SLC6A11: variants seen among roughly 807,000 people sequenced by gnomAD.
The protein encoded by SLC6A11 is solute carrier family 6 member 11.
SLC6A11 carries 25 observed loss-of-function variants against 74.8 expected under a neutral mutation model. The observed-to-expected ratio is 0.33, with a 90% CI of 0.24 to 0.47. SLC6A11 has a LOEUF of 0.47. Ranked by LOEUF, SLC6A11 falls within the 20% of genes least tolerant of loss-of-function variation. The probability of loss-of-function intolerance (pLI) is 1.00; values close to 1 mark genes in which losing one functional copy is unlikely to be tolerated. For missense variants in SLC6A11, 574 were observed against 837.0 expected (o/e 0.69, Z 3.88); for synonymous variants, 330 against 330.2 (o/e 1.00, Z 0.01).
At chr3:10,930,901 G>T (rs746657) in intron 10 of SLC6A11, among the ~76,000 whole-genome samples, 126,214 of 151,954 alleles carry the variant, frequency 0.83, 52,547 homozygotes, top group Admixed American at 0.86. Context: ...AGCAGGCGCT[G>T]GGGCTTCACA....
At chr3:10,828,147 C>T (rs1694241003) in intron 4 of SLC6A11, among the ~76,000 whole-genome samples, 1 of 152,208 alleles carries the variant, frequency 6.6e-6, no homozygotes, top group Non-Finnish European at 1.5e-5. Context: ...ATTGTGGCAT[C>T]AGATGGACAT....
chr3:10,834,567 TG>T (rs141635089), intron 4 of SLC6A11, among the ~76,000 whole-genome samples: 5,178 of 152,200 alleles, frequency 0.034, 116 homozygotes, highest in Middle Eastern at 0.068. Flanking sequence ...TCGACCAGGT[TG>T]TTTTTAATAA....
Position 10,934,072 on chromosome 3 carries a change from A to G in SLC6A11, c.1481A>G (p.Asn494Ser), listed in dbSNP as rs752271294. The G allele has an allele frequency of 6.2e-7, 1 of 1,611,138 alleles. No homozygotes were observed. Among genetic ancestry groups the G allele is most frequent in the Non-Finnish European group, 8.5e-7 (1 of 1,177,346 alleles). The change falls in exon 12 of 14, where the codon AAC becomes AGC. Residue 494 changes from asparagine (N) to serine (S), a missense_variant. Physicochemically the swap from Asn to Ser is conservative, Grantham distance 46. This residue lies in a region of SLC6A11 where 257 missense variants were observed against 341.5 expected (regional missense o/e 0.75). Transcript: ENST00000254488. Reference protein sequence around the residue: ...CICIGWVYGSNRFYDNIEDMI... With the variant: ...CICIGWVYGSSRFYDNIEDMI... Reference sequence around the variant, plus strand: ...TCTGATTTATTCCGGACAGGAAGCAACCGGTTCTATGATAACATTGAAGAC... The same window carrying G: ...TCTGATTTATTCCGGACAGGAAGCAGCCGGTTCTATGATAACATTGAAGAC...
chr3:10,911,922 G>A (rs545749952), intron 6 of SLC6A11, among the ~76,000 whole-genome samples, 168 bp from the exon 7 acceptor site: 2 of 152,312 alleles, frequency 1.3e-5, no homozygotes, highest in South Asian at 4.1e-4. Context: ...TGGTCCCCAA[G>A]AATAGAACTC....
intron 5 of SLC6A11, among the ~76,000 whole-genome samples, chr3:10,860,643 A>T (rs1694692149): frequency 6.6e-6 from 1 of 152,246 alleles, no homozygotes; most frequent in Non-Finnish European, 1.5e-5. Context: ...AACTGGCCAT[A>T]CTGGGTAACA....
At chr3:10,914,866 C>A (rs188691257) in intron 7 of SLC6A11, among the ~76,000 whole-genome samples, 41 of 152,286 alleles carry the variant, frequency 2.7e-4, no homozygotes, top group African/African-American at 9.6e-4. Context: ...GGCTTACGGT[C>A]AGCATGGGGA....
chr3:10,933,269 G>A lies in SLC6A11; in HGVS notation c.1474+16G>A, dbSNP rs770888571. The A allele has an allele frequency of 4.4e-6, 7 of 1,577,880 alleles. No homozygotes were observed. The Admixed American group carries it at 1.2e-4, about 26-fold the overall frequency. On this transcript the variant is annotated intron_variant, in intron 11 of 13. Coordinates refer to ENST00000254488, the MANE Select transcript of SLC6A11 (RefSeq NM_014229.3). ...TGGGTGTATGGTGAGTAGCAGCCAA[G>A]CCCGTCCACACCCCAGCTGCCCACC...
chr3:10,835,382 G>C lies in SLC6A11; in HGVS notation c.624-8832G>C, dbSNP rs542289596. ...ACGTTCTGCGAGAGAGAATGGCTGC[G>C]TTATGAACCCGTGATGGATTCTTCA... On this transcript the variant is annotated intron_variant, in intron 4 of 13. Coordinates refer to ENST00000254488, the MANE Select transcript of SLC6A11 (RefSeq NM_014229.3). 1.4e-4 allele frequency among the ~76,000 whole-genome samples: 21 copies of C among 152,294 alleles called. 1 individual carries two copies. In the East Asian group the frequency reaches 3.5e-3, roughly 25 times the overall value.
At chr3:10,845,057 A>T (rs1694486445) in intron 5 of SLC6A11, among the ~76,000 whole-genome samples, 1 of 152,180 alleles carries the variant, frequency 6.6e-6, no homozygotes, top group Non-Finnish European at 1.5e-5. Context: ...ATCAGTACAG[A>T]GGTTAGAAAC....
intron 5 of SLC6A11, among the ~76,000 whole-genome samples, chr3:10,856,529 T>C (rs1055995951): frequency 2.6e-5 from 4 of 152,092 alleles, no homozygotes; most frequent in African/African-American, 9.7e-5. Context: ...CCCAGAGAGG[T>C]AAGTGATGTG....
intron 8 of SLC6A11, among the ~76,000 whole-genome samples, chr3:10,925,263 T>G (rs1695588157): frequency 6.6e-6 from 1 of 152,264 alleles, no homozygotes; most frequent in South Asian, 2.1e-4. Flanking sequence ...TTTACCTGCT[T>G]CAGTGCTTTC....
intron 6 of SLC6A11, among the ~76,000 whole-genome samples, chr3:10,885,869 G>A (rs1322838959): frequency 2.6e-5 from 4 of 152,084 alleles, no homozygotes; most frequent in African/African-American, 7.2e-5. Flanking sequence ...AGCCTTGAGC[G>A]GTCCCACCTA....
At chr3:10,867,106 A>C (rs1280116258) in intron 5 of SLC6A11, among the ~76,000 whole-genome samples, 4 of 152,232 alleles carry the variant, frequency 2.6e-5, no homozygotes, top group Non-Finnish European at 5.9e-5. Context: ...CCTGAGAGAT[A>C]GAAGCGAGAC....
intron 6 of SLC6A11, among the ~76,000 whole-genome samples, chr3:10,906,047 T>A (rs1187407055): frequency 2.0e-5 from 3 of 152,102 alleles, no homozygotes; most frequent in African/African-American, 7.2e-5. Context: ...TCACTTGATG[T>A]CTCAAACTTC....
chr3:10,879,401 T>C (rs934127505), intron 6 of SLC6A11, among the ~76,000 whole-genome samples: 6 of 152,174 alleles, frequency 3.9e-5, no homozygotes, highest in Non-Finnish European at 8.8e-5. Flanking sequence ...AAGCCCAGTG[T>C]GGCCTAATTC....
intron 5 of SLC6A11, among the ~76,000 whole-genome samples, chr3:10,868,855 C>T (rs1291764758): frequency 1.3e-5 from 2 of 152,338 alleles, no homozygotes; most frequent in South Asian, 2.1e-4. Flanking sequence ...CCTGAACTGT[C>T]CTGCCCTCTG....
In SLC6A11 at chr3:10,915,287, G is replaced by T. The variant is rs987621520; in HGVS notation, c.996-3042G>T. 4.8e-4 allele frequency among the ~76,000 whole-genome samples: 73 copies of T among 152,308 alleles called. No individual in the cohort carries two copies. Among genetic ancestry groups the T allele is most frequent in the African/African-American group, 1.7e-3 (69 of 41,570 alleles). ...CCCACTGAGTGCGTGGAGGATGTAT[G>T]CTGTCAGCCATGGGTCCCTTCTGCT... On this transcript the variant is annotated intron_variant, in intron 7 of 13. Coordinates refer to ENST00000254488, the MANE Select transcript of SLC6A11 (RefSeq NM_014229.3). This position sits in a 1 kb window ranked among gnomAD's most constrained non-coding sequence, Gnocchi z 4.3.
Position 10,915,245 on chromosome 3 carries a change from C to T in SLC6A11, c.995+3052C>T, listed in dbSNP as rs573006083. On this transcript the variant is annotated intron_variant, in intron 7 of 13. Coordinates refer to ENST00000254488, the MANE Select transcript of SLC6A11 (RefSeq NM_014229.3). This position sits in a 1 kb window ranked among gnomAD's most constrained non-coding sequence, Gnocchi z 4.3. ...CTTGTCTCCAGCCTGTGTCTTGGGG[C>T]AGTGGCAGCTTCATTCCCCACTGAG... Among the ~76,000 whole-genome samples, 59 of 152,246 alleles carry T rather than the reference C, an allele frequency of 3.9e-4. No homozygotes were observed. The Middle Eastern group carries it at 0.01, about 26-fold the overall frequency.
At chr3:10,828,239 A>T (rs1364493647) in intron 4 of SLC6A11, among the ~76,000 whole-genome samples, 1 of 152,190 alleles carries the variant, frequency 6.6e-6, no homozygotes, top group African/African-American at 2.4e-5. Flanking sequence ...CTTGCTGTGT[A>T]TACAATCAAA....
Sources: allele counts gnomAD v4.1 joint callset (sites outside exome capture counted in the v4.1 genomes callset), GRCh38; gene constraint gnomAD v4.1.1; regional missense constraint gnomAD v4.1.1; non-coding constraint Gnocchi (gnomAD v3.1); transcripts MANE v1.5; gene names NCBI Gene and HGNC (gene_info 2026-07-23, HGNC 2026-07-21).